Variants in CTNNA2 observed in about 807,000 individuals in gnomAD.
CTNNA2 encodes catenin alpha 2, also known as catenin alpha-2.
CTNNA2 carries 42 observed loss-of-function variants against 101.0 expected under a neutral mutation model. That is an observed-to-expected ratio of 0.42 (90% CI 0.32 to 0.54). CTNNA2 has a LOEUF of 0.54. Ranked by LOEUF, CTNNA2 falls within the 20% of genes least tolerant of loss-of-function variation. CTNNA2 has a pLI of 0.14. For synonymous variants in CTNNA2, 450 were observed against 456.4 expected (o/e 0.99, Z 0.18); for missense variants, 871 against 1,223.1 (o/e 0.71, Z 4.29).
chr2:80,606,721 G>T (rs995567919), intron 16 of CTNNA2, among the ~76,000 whole-genome samples: 1 of 151,764 alleles, frequency 6.6e-6, no homozygotes, highest in Non-Finnish European at 1.5e-5. Flanking sequence ...GACTGGATTG[G>T]TTACATTTAT....
At chr2:79,416,667 A>G (rs1191999918) in intron 4 of CTNNA2, among the ~76,000 whole-genome samples, 2 of 152,124 alleles carry the variant, frequency 1.3e-5, no homozygotes, top group Non-Finnish European at 2.9e-5. Context: ...AATCCTTGTC[A>G]ATAAACACCT....
chr2:79,991,269 T>C (rs1692159351), intron 7 of CTNNA2, among the ~76,000 whole-genome samples: 1 of 152,204 alleles, frequency 6.6e-6, no homozygotes, highest in Non-Finnish European at 1.5e-5. Flanking sequence ...TAGAGTCTCC[T>C]CATTCCCAAA....
intron 1 of CTNNA2, among the ~76,000 whole-genome samples, chr2:79,521,398 C>T (rs2103876285): frequency 6.6e-6 from 1 of 152,038 alleles, no homozygotes; most frequent in East Asian, 1.9e-4. Context: ...AGCAGCGTCT[C>T]TTCCTGCAGA....
At chr2:79,197,720 C>T (rs532945250) in intron 1 of CTNNA2, among the ~76,000 whole-genome samples, 2 of 152,312 alleles carry the variant, frequency 1.3e-5, no homozygotes, top group South Asian at 2.1e-4. Context: ...TCCATGATTA[C>T]CTAGCCTCTG....
chr2:80,214,417 A>G (rs2149042084), intron 7 of CTNNA2, among the ~76,000 whole-genome samples: 1 of 152,228 alleles, frequency 6.6e-6, no homozygotes, highest in South Asian at 2.1e-4. Flanking sequence ...GGTGGTGACA[A>G]AATCTCTCAG....
intron 9 of CTNNA2, among the ~76,000 whole-genome samples, chr2:80,505,007 A>C (rs1428111599): frequency 6.6e-6 from 1 of 152,216 alleles, no homozygotes; most frequent in East Asian, 1.9e-4. Flanking sequence ...CCAGCAGAGC[A>C]CTGGGTCCTT....
intron 7 of CTNNA2, among the ~76,000 whole-genome samples, chr2:79,933,557 C>T (rs1687591111): frequency 6.6e-6 from 1 of 151,828 alleles, no homozygotes; most frequent in Non-Finnish European, 1.5e-5. Flanking sequence ...CGGGTTCATG[C>T]CATTCTCCTG....
At chr2:80,079,262 A>G (rs541968419) in intron 7 of CTNNA2, among the ~76,000 whole-genome samples, 35 of 152,322 alleles carry the variant, frequency 2.3e-4, no homozygotes, top group Admixed American at 1.7e-3. Flanking sequence ...AGGGAAGACA[A>G]TATGGCTGCC....
chr2:79,616,153 T>C (rs938970063), intron 1 of CTNNA2, among the ~76,000 whole-genome samples: 1 of 152,230 alleles, frequency 6.6e-6, no homozygotes, highest in Non-Finnish European at 1.5e-5. Context: ...GTATCTGCTC[T>C]ATGCATGATT....
Position 80,116,902 on chromosome 2 carries a change from A to AGTGTGTGTGTGTGTGTGTGT in CTNNA2, c.1056+207120_1056+207139dup, listed in dbSNP as rs112383959. 8.0e-3 allele frequency among the ~76,000 whole-genome samples: 1,146 copies of AGTGTGTGTGTGTGTGTGTGT among 143,574 alleles called. 15 individuals are homozygous for AGTGTGTGTGTGTGTGTGTGT. The highest frequency in any genetic ancestry group is 0.017 in the South Asian group (71 of 4,292). The allele number at this position is 143,574 out of a possible 152,430, so 94.2% of individuals were successfully genotyped here. On this transcript the variant is annotated intron_variant, in intron 7 of 18. Coordinates refer to ENST00000402739, the MANE Select transcript of CTNNA2 (RefSeq NM_001282597.3). ...CAGAGAAGGGAAAATAGAAGAAAAT[A>AGTGTGTGTGTGTGTGTGTGT]GTGTGTGTGTGTGTGTGTGTGTGTG...
intron 9 of CTNNA2, among the ~76,000 whole-genome samples, chr2:80,428,569 T>A (rs770075597): frequency 3.3e-5 from 5 of 152,152 alleles, no homozygotes; most frequent in Admixed American, 6.5e-5. Context: ...ACATAATCAG[T>A]TGAAACTTTA....
rs536057365 is a variant in CTNNA2, at chr2:79,394,200, G to A, written c.-135+20187G>A. ...TGTTTTTATTTGTTTGTTTCTTTTTGTTTGTTTGTTTGTTTTCGTTTCTCT... is the reference window on the plus strand; with the variant it reads ...TGTTTTTATTTGTTTGTTTCTTTTTATTTGTTTGTTTGTTTTCGTTTCTCT... On this transcript the variant is annotated intron_variant, in intron 4 of 21. Transcript: ENST00000466387. 8.9e-4 allele frequency among the ~76,000 whole-genome samples: 136 copies of A among 152,210 alleles called. 1 individual carries two copies. The highest frequency in any genetic ancestry group is 1.6e-3 in the Non-Finnish European group (112 of 68,016).
chr2:79,523,355 T>C, intron 1 of CTNNA2: 1 of 342,814 alleles, frequency 2.9e-6, no homozygotes, highest in Non-Finnish European at 5.7e-6. Flanking sequence ...TCTTAAATGG[T>C]AACATGATGT....
intron 2 of CTNNA2, among the ~76,000 whole-genome samples, chr2:79,278,586 G>A (rs1675277812): frequency 6.6e-6 from 1 of 151,972 alleles, no homozygotes; most frequent in African/African-American, 2.4e-5. Flanking sequence ...AAAAGTATAA[G>A]TCCCCGTTGT....
intron 3 of CTNNA2, among the ~76,000 whole-genome samples, chr2:79,317,340 T>C (rs1330703071): frequency 1.3e-5 from 2 of 152,082 alleles, no homozygotes; most frequent in East Asian, 3.8e-4. Context: ...GCATCATCAT[T>C]CATAACAGGT....
At chr2:80,392,711 G>A (rs1414062359) in intron 7 of CTNNA2, among the ~76,000 whole-genome samples, 1 of 152,188 alleles carries the variant, frequency 6.6e-6, no homozygotes, top group South Asian at 2.1e-4. Context: ...GTATTTTCTA[G>A]TAAAGCATCT....
chr2:79,308,767 A>T (rs562858991), intron 2 of CTNNA2, among the ~76,000 whole-genome samples: 1 of 141,570 alleles, frequency 7.1e-6, no homozygotes, highest in Non-Finnish European at 1.5e-5. Flanking sequence ...AATCCACTAA[A>T]TGTTTCATTT....
chr2:79,242,989 TATATAC>T (rs1297929393), intron 2 of CTNNA2, among the ~76,000 whole-genome samples: 24 of 92,144 alleles, frequency 2.6e-4, no homozygotes, highest in Admixed American at 7.3e-4. Context: ...TATATATATA[TATATAC>T]ACACACACAC....
At chr2:79,344,868 AT>A (rs911310714) in intron 3 of CTNNA2, among the ~76,000 whole-genome samples, 4 of 144,918 alleles carry the variant, frequency 2.8e-5, no homozygotes, top group African/African-American at 5.1e-5. Flanking sequence ...AATATATTAT[AT>A]TTATATATAT....
Sources: allele counts gnomAD v4.1 joint callset (sites outside exome capture counted in the v4.1 genomes callset), GRCh38; gene constraint gnomAD v4.1.1; transcripts MANE v1.5; gene names NCBI Gene and HGNC (gene_info 2026-07-23, HGNC 2026-07-21).